ZNF236: variants seen among roughly 807,000 people sequenced by gnomAD.
ZNF236 encodes the protein regulated by glucose.
A neutral mutation model predicts 191.2 loss-of-function variants in ZNF236; 50 were observed. The ratio of observed to expected loss-of-function variants is 0.26; its 90% confidence interval spans 0.21 to 0.33. ZNF236 has a LOEUF of 0.33. Ranked by LOEUF, ZNF236 falls within the 10% of genes least tolerant of loss-of-function variation. The probability of loss-of-function intolerance (pLI) is 1.00; values close to 1 mark genes in which losing one functional copy is unlikely to be tolerated. For synonymous variants in ZNF236, 907 were observed against 928.8 expected, an observed-to-expected ratio of 0.98 and a Z score of 0.43; for missense variants, 1,754 against 2,374.5, an observed-to-expected ratio of 0.74 and a Z score of 5.43.
intron 27 of ZNF236, among the ~76,000 whole-genome samples, chr18:76,951,761 G>GCT (rs1968416419): frequency 6.6e-6 from 1 of 152,186 alleles, no homozygotes; most frequent in South Asian, 2.1e-4. Context: ...GCCTGTCTCA[G>GCT]CTCTCTGCGT....
At chr18:76,902,928 A>G (rs1977638897) in intron 11 of ZNF236, among the ~76,000 whole-genome samples, 1 of 151,970 alleles carries the variant, frequency 6.6e-6, no homozygotes, top group South Asian at 2.1e-4. Flanking sequence ...GTTGTTAGGA[A>G]AAAGTGAGGC....
intron 21 of ZNF236, among the ~76,000 whole-genome samples, chr18:76,923,684 T>C (rs1967601755): frequency 6.6e-6 from 1 of 152,150 alleles, no homozygotes; most frequent in South Asian, 2.1e-4. Context: ...GTGGGGAGGC[T>C]GCCTCTGCCT....
rs756310393 is a variant in ZNF236 at position 76,920,003 on chromosome 18, G to A, written c.3502G>A (p.Ala1168Thr). The A allele has an allele frequency of 1.2e-6, 2 of 1,613,178 alleles. No homozygotes were observed. Among genetic ancestry groups the A allele is most frequent in the Admixed American group, 1.7e-5 (1 of 59,992 alleles). The change falls in exon 20 of 31, where the codon GCC becomes ACC. Residue 1168 changes from alanine (A) to threonine (T), a missense_variant. Coordinates refer to ENST00000320610, the MANE Select transcript of ZNF236 (RefSeq NM_001306089.2). The stretch of plus-strand genomic sequence containing the variant: ...GGAGCTGCAGGACGAGCCCAAGCAC[G>A]CCAACTGCTGCACATACTGCCCCAA... ...QAELQDEPKHANCCTYCPKSF... is the reference protein window; with the variant it reads ...QAELQDEPKHTNCCTYCPKSF...
At chr18:76,840,778 T>TGTGTGTGTGTGTGTGTGTGTGCGC (rs1555685328) in intron 1 of ZNF236, 1 of 37,562 alleles carries the variant, frequency 2.7e-5, no homozygotes, top group Non-Finnish European at 7.4e-5. Flanking sequence ...TTATAACCTG[T>TGTGTGTGTGTGTGTGTGTGTGCGC]GTGTGTGTGT....
In ZNF236 at chr18:76,968,300, G is replaced by A. The variant is rs1160335535; in HGVS notation, c.5505G>A (p.Glu1835=). The part of the protein sequence containing the change: ...RTLHLEEVVQ[E]AAGEWQALTH... ...TCCACCTGGAGGAGGTGGTGCAGGA[G>A]GCCGCCGGCGAGTGGCAGGCCCTCA... Residue 1835 remains glutamate (E), a synonymous_variant, in exon 31 of 31, where the codon GAG becomes GAA. Coordinates refer to ENST00000320610, the MANE Select transcript of ZNF236 (RefSeq NM_001306089.2). The A allele has an allele frequency of 6.2e-7, 1 of 1,610,602 alleles. No homozygotes were observed. The highest frequency in any genetic ancestry group is 2.2e-5 in the East Asian group (1 of 44,860).
At chr18:76,866,962 G>A (rs889208961) in intron 3 of ZNF236, among the ~76,000 whole-genome samples, 2 of 152,184 alleles carry the variant, frequency 1.3e-5, no homozygotes, top group Admixed American at 6.5e-5. Flanking sequence ...ATCTGAGCAC[G>A]TCGTGCATAA....
At chr18:76,878,432 A>G (rs546154078) in intron 7 of ZNF236, among the ~76,000 whole-genome samples, 6 of 152,360 alleles carry the variant, frequency 3.9e-5, no homozygotes, top group African/African-American at 1.4e-4. Flanking sequence ...TGATTATTGA[A>G]TATTCTTTAA....
At chr18:76,943,064 A>G (rs1480520088) in intron 26 of ZNF236, among the ~76,000 whole-genome samples, 3 of 142,134 alleles carry the variant, frequency 2.1e-5, no homozygotes, top group Admixed American at 1.5e-4. Context: ...TGGAGGTTGT[A>G]GTAAGCCGAG....
intron 1 of ZNF236, among the ~76,000 whole-genome samples, chr18:76,826,868 A>G (rs1335559088): frequency 1.3e-5 from 2 of 151,164 alleles, no homozygotes; most frequent in Non-Finnish European, 2.9e-5. Context: ...ATGTACACTA[A>G]TTCCTGTATT....
intron 28 of ZNF236, among the ~76,000 whole-genome samples, chr18:76,958,528 G>A (rs1374428926): frequency 6.6e-6 from 1 of 152,210 alleles, no homozygotes; most frequent in Non-Finnish European, 1.5e-5. Context: ...CAAACAGTGA[G>A]TGCCTGCTGT....
Position 76,960,534 on chromosome 18 carries a change from C to A in ZNF236, c.5243-145C>A. 3 of 1,074,476 alleles carry A rather than the reference C, an allele frequency of 2.8e-6. No individual in the cohort carries two copies. The highest frequency in any genetic ancestry group is 2.8e-6 in the Non-Finnish European group (2 of 725,658). The allele number at this position is 1,074,476 out of a possible 1,614,324, so 66.6% of individuals were successfully genotyped here. A position where few individuals can be genotyped will look rare whatever the true frequency, so the allele number is the denominator to read the frequency against. On this transcript the variant is annotated intron_variant, in intron 29 of 30. Coordinates refer to ENST00000320610, the MANE Select transcript of ZNF236 (RefSeq NM_001306089.2). The surrounding 1 kb of genome is among the most constrained non-coding windows in gnomAD (Gnocchi z 4.4). ...TCCCTCTGGTCTCCCTATGGCTCCT[C>A]CAGCCCTTTGTTCAGATGACAGCCA...
At position 76,875,577 on chromosome 18, in the gene ZNF236, T is replaced by C; in HGVS notation, c.753T>C (p.Gly251=). The C allele has an allele frequency of 6.2e-7, 1 of 1,606,740 alleles. No homozygotes were observed. Among genetic ancestry groups the C allele is most frequent in the Non-Finnish European group, 8.5e-7 (1 of 1,176,326 alleles). ...AGACCCACATGATCAAGCACACAGG[T>C]GAAAAACCCCATGCCTGTGCCTTCT... ...ALQTHMIKHT[G]EKPHACAFCP... Residue 251 remains glycine (G), a synonymous_variant, in exon 6 of 31, where the codon GGT becomes GGC. Transcript: ENST00000320610. This position sits in a 1 kb window ranked among gnomAD's most constrained non-coding sequence, Gnocchi z 4.3.
Position 76,847,668 on chromosome 18 carries a change from A to C in ZNF236, c.56-1858A>C, listed in dbSNP as rs558456804. ...GTGTCTTTAGTAGAGACAGGGTTTC[A>C]CCGTGTTAGCCAGGATGGTCTTGAT... On this transcript the variant is annotated intron_variant, in intron 1 of 30. Transcript: ENST00000320610. Among the ~76,000 whole-genome samples, 4 of 152,108 alleles carry C rather than the reference A, an allele frequency of 2.6e-5. No individual in the cohort carries two copies. In the South Asian group the frequency reaches 8.3e-4, roughly 32 times the overall value.
chr18:76,848,833 T>C (rs1415345318), intron 1 of ZNF236, among the ~76,000 whole-genome samples: 5 of 152,150 alleles, frequency 3.3e-5, no homozygotes, highest in African/African-American at 1.2e-4. Flanking sequence ...GCCTAGCTAA[T>C]TTTTTAGTAG....
intron 9 of ZNF236, chr18:76,886,489 C>A: frequency 5.3e-6 from 1 of 189,674 alleles, no homozygotes; most frequent in Non-Finnish European, 1.1e-5. Flanking sequence ...GCCATTGAAC[C>A]AGCACCTGAG....
In ZNF236 at chr18:76,875,682, G is replaced by T; in HGVS notation, c.840+18G>T. 1 of 1,522,058 alleles carries T rather than the reference G, an allele frequency of 6.6e-7. No homozygotes were observed. The highest frequency in any genetic ancestry group is 8.9e-7 in the Non-Finnish European group (1 of 1,126,118). The allele number at this position is 1,522,058 out of a possible 1,614,324, so 94.3% of individuals were successfully genotyped here. A position where few individuals can be genotyped will look rare whatever the true frequency, so the allele number is the denominator to read the frequency against. Reference sequence around the variant, plus strand: ...ACTCAGAGGTAAACACGGGTTGGGGGCATAAGCGGTATTTCACAGGGGACA... The same window carrying T: ...ACTCAGAGGTAAACACGGGTTGGGGTCATAAGCGGTATTTCACAGGGGACA... On this transcript the variant is annotated intron_variant, in intron 6 of 30. Transcript: ENST00000320610. The surrounding 1 kb of genome is among the most constrained non-coding windows in gnomAD (Gnocchi z 4.3).
chr18:76,968,357 C>G lies in ZNF236; in HGVS notation c.*18C>G, dbSNP rs757132920. 16 of 1,597,500 alleles carry G rather than the reference C, an allele frequency of 1.0e-5. No individual in the cohort carries two copies. The East Asian group carries it at 3.6e-4, about 36-fold the overall frequency. On this transcript the variant is annotated 3_prime_UTR_variant, in exon 31 of 31. Coordinates refer to ENST00000320610, the MANE Select transcript of ZNF236 (RefSeq NM_001306089.2). ...TCTTCTGATGCGAGTTGGAAGTACA[C>G]CTTTAAGAATGTTTCTGAAGTTACG...
rs1967842198 is a variant in ZNF236, at chr18:76,931,415, C to G, written c.4594+3309C>G. Among the ~76,000 whole-genome samples, 2 of 152,214 alleles carry G rather than the reference C, an allele frequency of 1.3e-5. 1 individual carries two copies. Among genetic ancestry groups the G allele is most frequent in the South Asian group, 4.1e-4 (2 of 4,830 alleles). The stretch of plus-strand genomic sequence containing the variant: ...GTCTAATTCTAGGATACAAAATTCT[C>G]TCTAATGTTACCAACCAATCGATGA... On this transcript the variant is annotated intron_variant, in intron 25 of 30. Transcript: ENST00000320610.
At position 76,880,987 on chromosome 18, in the gene ZNF236, G is replaced by A. The variant is rs555762997; in HGVS notation, c.1189-297G>A. On this transcript the variant is annotated intron_variant, in intron 8 of 30. Coordinates refer to ENST00000320610, the MANE Select transcript of ZNF236 (RefSeq NM_001306089.2). The surrounding 1 kb of genome is among the most constrained non-coding windows in gnomAD (Gnocchi z 5.0). Reference sequence around the variant, plus strand: ...AAATAGGGATTCCCAAGACTATTTAGAGACAACCAAAGTTGTGTGAGGTAA... The same window carrying A: ...AAATAGGGATTCCCAAGACTATTTAAAGACAACCAAAGTTGTGTGAGGTAA... 4.6e-5 allele frequency among the ~76,000 whole-genome samples: 7 copies of A among 152,226 alleles called. No homozygotes were observed. The highest frequency in any genetic ancestry group is 7.3e-5 in the Non-Finnish European group (5 of 68,038).
Sources: allele counts gnomAD v4.1 joint callset (sites outside exome capture counted in the v4.1 genomes callset), GRCh38; gene constraint gnomAD v4.1.1; non-coding constraint Gnocchi (gnomAD v3.1); transcripts MANE v1.5; gene names NCBI Gene and HGNC (gene_info 2026-07-23, HGNC 2026-07-21).